Variants in NGLY1 observed in about 807,000 individuals in gnomAD.
NGLY1 encodes the protein N-glycanase 1.
NGLY1 carries 68 observed loss-of-function variants against 84.6 expected under a neutral mutation model. The ratio of observed to expected loss-of-function variants is 0.80; its 90% CI spans 0.66 to 0.98. The LOEUF is 0.98. NGLY1 is among the 50% of genes least tolerant of loss of function. The probability of loss-of-function intolerance (pLI) is 0.00; values close to 1 mark genes in which losing one functional copy is unlikely to be tolerated. For synonymous variants in NGLY1, 280 were observed against 275.2 expected (o/e 1.02, Z -0.17); for missense variants, 779 against 770.2 (o/e 1.01, Z -0.14).
intron 1 of NGLY1, among the ~76,000 whole-genome samples, chr3:25,781,304 G>T (rs1278904262): frequency 6.6e-6 from 1 of 152,016 alleles, no homozygotes; most frequent in Admixed American, 6.6e-5. Context: ...ATTTTTCTCA[G>T]TAAAAGTATA....
chr3:25,766,303 G>C (rs957163006), intron 2 of NGLY1, among the ~76,000 whole-genome samples: 4 of 152,080 alleles, frequency 2.6e-5, no homozygotes, highest in Non-Finnish European at 4.4e-5. Flanking sequence ...CTGACTTCAG[G>C]TGATCCGCCC....
Position 25,766,134 on chromosome 3 carries a change from C to T in NGLY1, c.247-1823G>A, listed in dbSNP as rs531066246. Among the ~76,000 whole-genome samples, 15 of 150,228 alleles carry T rather than the reference C, an allele frequency of 1.0e-4. No homozygotes were observed. The South Asian group carries it at 2.8e-3, about 28-fold the overall frequency. ...AGTCTGGAGTGCAGTGGTGTGATCT[C>T]GGCTCACTGCAACCTCCACCTCCCA... is the stretch of plus-strand genomic sequence containing the variant. On this transcript the variant is annotated intron_variant, in intron 2 of 11. Coordinates refer to ENST00000280700, the MANE Select transcript of NGLY1 (RefSeq NM_018297.4).
At chr3:25,770,236 C>T (rs555318325) in intron 2 of NGLY1, among the ~76,000 whole-genome samples, 1 of 152,264 alleles carries the variant, frequency 6.6e-6, no homozygotes, top group East Asian at 1.9e-4. Flanking sequence ...CTGCAACCTC[C>T]GCCTCCCGGG....
At chr3:25,743,710 C>T (rs1215280901) in intron 4 of NGLY1, among the ~76,000 whole-genome samples, 1 of 151,994 alleles carries the variant, frequency 6.6e-6, no homozygotes, top group Non-Finnish European at 1.5e-5. Flanking sequence ...ACAAACATGC[C>T]TCAAAATATT....
rs141947390 is a variant in NGLY1, at chr3:25,729,183, C to T, written c.1561G>A (p.Val521Met). 2.4e-5 allele frequency: 37 copies of T among 1,549,764 alleles called. No individual in the cohort carries two copies. The highest frequency in any genetic ancestry group is 2.9e-5 in the Non-Finnish European group (33 of 1,143,884). The stretch of plus-strand genomic sequence containing the variant: ...CTGAATATAGATTCCATTTTCCACA[C>T]GCCATTCTCCCATCCAGAAATGGTT... The part of the protein sequence containing the change: ...NQTISGWENG[V>M]WKMESIFRKV... The change falls in exon 10 of 12, where the codon GTG becomes ATG. Residue 521 changes from valine to methionine, a missense_variant. Transcript: ENST00000280700.
intron 2 of NGLY1, among the ~76,000 whole-genome samples, chr3:25,777,293 G>A (rs1708197240): frequency 6.6e-6 from 1 of 151,070 alleles, no homozygotes; most frequent in Non-Finnish European, 1.5e-5. Flanking sequence ...TACTCAGGAG[G>A]CTGAGGCAGG....
At chr3:25,783,677 C>T (rs1575672290), upstream of NGLY1, 6 of 262,376 alleles carry the variant, frequency 2.3e-5, 1 homozygote, top group East Asian at 4.3e-4. This position sits in a 1 kb window ranked among gnomAD's most constrained non-coding sequence, Gnocchi z 4.5. Context: ...ACGGCTGCCC[C>T]TTCGCGGGGG....
chr3:25,732,251 G>C, intron 9 of NGLY1, 68 bp downstream of exon 9: 2 of 1,446,268 alleles, frequency 1.4e-6, no homozygotes, highest in Non-Finnish European at 1.9e-6. Context: ...TTGGAGGATA[G>C]TATAGGAAGA....
intron 10 of NGLY1, among the ~76,000 whole-genome samples, chr3:25,723,931 C>T (rs1290290537): frequency 2.0e-5 from 3 of 152,202 alleles, no homozygotes; most frequent in Non-Finnish European, 4.4e-5. Flanking sequence ...GTGACCCATC[C>T]TTGCTCCTTG....
intron 1 of NGLY1, among the ~76,000 whole-genome samples, chr3:25,789,320 G>A (rs1708672069): frequency 6.6e-6 from 1 of 152,040 alleles, no homozygotes; most frequent in African/African-American, 2.4e-5. Context: ...AGTTTATTAG[G>A]AAAGTAAAGG....
At chr3:25,739,124 G>A (rs755419406) in intron 5 of NGLY1, among the ~76,000 whole-genome samples, 4 of 152,086 alleles carry the variant, frequency 2.6e-5, no homozygotes, top group Non-Finnish European at 5.9e-5. Context: ...GAAGGTAAAA[G>A]TATACCTCAG....
chr3:25,774,917 T>C (rs1459654820), intron 2 of NGLY1, among the ~76,000 whole-genome samples: 1 of 152,192 alleles, frequency 6.6e-6, no homozygotes, highest in East Asian at 1.9e-4. Context: ...CAAGGACCCC[T>C]GTGAGATAAA....
At chr3:25,773,906 G>A (rs549353526) in intron 2 of NGLY1, among the ~76,000 whole-genome samples, 3 of 152,306 alleles carry the variant, frequency 2.0e-5, no homozygotes, top group Non-Finnish European at 4.4e-5. Context: ...TAGCAAACCA[G>A]TAGAGCTACT....
intron 2 of NGLY1, among the ~76,000 whole-genome samples, chr3:25,772,924 A>C (rs1707968183): frequency 6.6e-6 from 1 of 152,142 alleles, no homozygotes; most frequent in Non-Finnish European, 1.5e-5. Context: ...TTAGCTGATA[A>C]TTATTTTGTT....
intron 3 of NGLY1, chr3:25,754,975 G>T: frequency 1.3e-6 from 1 of 776,560 alleles, no homozygotes; most frequent in South Asian, 1.4e-5. Flanking sequence ...GGGATGCCTT[G>T]GTGATGGCAC....
At chr3:25,759,173 C>T (rs965834633) in intron 3 of NGLY1, among the ~76,000 whole-genome samples, 2 of 152,060 alleles carry the variant, frequency 1.3e-5, no homozygotes, top group African/African-American at 2.4e-5. Context: ...GAGCAACTGG[C>T]CTTTATTAAG....
chr3:25,727,182 A>G (rs1705307942), intron 10 of NGLY1, among the ~76,000 whole-genome samples: 1 of 152,192 alleles, frequency 6.6e-6, no homozygotes, highest in South Asian at 2.1e-4. Context: ...CACTCTCTAC[A>G]AGTAAAGATT....
At chr3:25,782,568 G>A (rs1157081951) in intron 1 of NGLY1, among the ~76,000 whole-genome samples, 2 of 152,116 alleles carry the variant, frequency 1.3e-5, no homozygotes, top group African/African-American at 2.4e-5. Flanking sequence ...TTGCTGACAG[G>A]AGAATGAAGG....
At position 25,739,673 on chromosome 3, in the gene NGLY1, C is replaced by T; in HGVS notation, c.785G>A (p.Arg262Lys). Residue 262 changes from arginine to lysine, a missense_variant, in exon 5 of 12, where the codon AGA becomes AAA. Coordinates refer to ENST00000280700, the MANE Select transcript of NGLY1 (RefSeq NM_018297.4). Reference sequence around the variant, plus strand: ...CTCATCATCACTGGGCAGTAATGATCTATCTCTAGACCTAGTCTGTCCACC... The same window carrying T: ...CTCATCATCACTGGGCAGTAATGATTTATCTCTAGACCTAGTCTGTCCACC... ...KCGGQTRSRD[R>K]SLLPSDDELK... 1 of 1,614,130 alleles carries T rather than the reference C, an allele frequency of 6.2e-7. No homozygotes were observed. The highest frequency in any genetic ancestry group is 1.1e-5 in the South Asian group (1 of 91,082).
Sources: gnomAD v4.1 joint callset for allele counts (sites outside exome capture counted in the v4.1 genomes callset) on GRCh38, gnomAD v4.1.1 for gene constraint, Gnocchi (gnomAD v3.1) non-coding constraint, MANE v1.5 for transcripts, NCBI Gene and HGNC (gene_info 2026-07-23, HGNC 2026-07-21) for gene names.